Variants in NXPH1 observed in about 807,000 individuals in gnomAD.
The protein encoded by NXPH1 is neurexophilin 1, also known as neurexophilin-1.
A neutral mutation model predicts 23.7 loss-of-function variants in NXPH1; 5 were observed. The observed-to-expected ratio is 0.21, with a 90% CI of 0.11 to 0.44. The LOEUF (loss-of-function observed/expected upper bound fraction) is 0.44. Ranked by LOEUF, NXPH1 falls within the 20% of genes least tolerant of loss-of-function variation. The pLI is 0.99. For missense variants in NXPH1, 324 were observed against 321.6 expected (o/e 1.01, Z -0.06); for synonymous variants, 144 against 122.2 (o/e 1.18, Z -1.18).
chr7:8,728,064 AG>A (rs1780086468), intron 2 of NXPH1, among the ~76,000 whole-genome samples: 1 of 149,802 alleles, frequency 6.7e-6, no homozygotes, highest in Non-Finnish European at 1.5e-5. Flanking sequence ...ATCCCTTGTA[AG>A]TTGGATTCCT....
intron 2 of NXPH1, among the ~76,000 whole-genome samples, chr7:8,590,178 G>A (rs1250727423): frequency 1.3e-5 from 2 of 152,046 alleles, no homozygotes; most frequent in East Asian, 1.9e-4. Flanking sequence ...AACATTTGGG[G>A]GCAAGCATCT....
chr7:8,715,694 C>T (rs906044430), intron 2 of NXPH1, among the ~76,000 whole-genome samples: 4 of 152,056 alleles, frequency 2.6e-5, no homozygotes, highest in Admixed American at 6.6e-5. Flanking sequence ...AGAAAACACA[C>T]GGGTTAGATA....
chr7:8,676,648 C>A (rs946388811), intron 2 of NXPH1, among the ~76,000 whole-genome samples: 5 of 152,116 alleles, frequency 3.3e-5, no homozygotes, highest in African/African-American at 1.2e-4. Flanking sequence ...GCTTATTTAT[C>A]AGTATAGAGC....
At chr7:8,676,291 A>C (rs1820951785) in intron 2 of NXPH1, among the ~76,000 whole-genome samples, 1 of 152,122 alleles carries the variant, frequency 6.6e-6, no homozygotes, top group Non-Finnish European at 1.5e-5. Context: ...ATTTTGTCCA[A>C]ATAGTCTATC....
At chr7:8,690,898 A>G (rs1821211657) in intron 2 of NXPH1, among the ~76,000 whole-genome samples, 1 of 152,054 alleles carries the variant, frequency 6.6e-6, no homozygotes, top group Non-Finnish European at 1.5e-5. Context: ...TGATGTATCC[A>G]TTTGTTCATA....
intron 2 of NXPH1, among the ~76,000 whole-genome samples, chr7:8,727,529 G>A (rs933162198): frequency 1.3e-5 from 2 of 151,528 alleles, no homozygotes; most frequent in Non-Finnish European, 2.9e-5. Flanking sequence ...GTGTAAGGAA[G>A]GGATCCAGTT....
chr7:8,728,516 C>A (rs1424034580), intron 2 of NXPH1, among the ~76,000 whole-genome samples: 1 of 152,080 alleles, frequency 6.6e-6, no homozygotes, highest in African/African-American at 2.4e-5. Flanking sequence ...ATGTCCCATC[C>A]ATACTTAATT....
intron 2 of NXPH1, among the ~76,000 whole-genome samples, chr7:8,471,084 G>T (rs576642354): frequency 6.6e-6 from 1 of 152,212 alleles, no homozygotes; most frequent in Admixed American, 6.5e-5. Context: ...TGGGTTTTCA[G>T]TGAGTTTATA....
intron 2 of NXPH1, among the ~76,000 whole-genome samples, chr7:8,639,932 T>C (rs1314134251): frequency 6.6e-6 from 1 of 152,234 alleles, no homozygotes; most frequent in East Asian, 1.9e-4. Context: ...TTCAGGTATG[T>C]TGTTATTAGC....
intron 2 of NXPH1, among the ~76,000 whole-genome samples, chr7:8,613,634 G>A (rs1819666927): frequency 6.6e-6 from 1 of 151,986 alleles, no homozygotes; most frequent in African/African-American, 2.4e-5. Context: ...TCTATCTATG[G>A]TTCAGAATAC....
intron 2 of NXPH1, among the ~76,000 whole-genome samples, chr7:8,472,250 C>T (rs758788499): frequency 3.7e-4 from 56 of 151,956 alleles, no homozygotes; most frequent in Non-Finnish European, 7.5e-4. Flanking sequence ...TCATTTAAGC[C>T]CTTGGGGATT....
chr7:8,587,584 C>T (rs1819004711), intron 2 of NXPH1, among the ~76,000 whole-genome samples: 1 of 152,190 alleles, frequency 6.6e-6, no homozygotes, highest in South Asian at 2.1e-4. Context: ...TTGTTGCACC[C>T]ATCAATCCGT....
chr7:8,570,389 T>A (rs539203346), intron 2 of NXPH1, among the ~76,000 whole-genome samples: 1 of 151,916 alleles, frequency 6.6e-6, no homozygotes, highest in Non-Finnish European at 1.5e-5. Flanking sequence ...TGTGCGTTAG[T>A]GTCATTGTGA....
intron 2 of NXPH1, among the ~76,000 whole-genome samples, chr7:8,638,214 A>G (rs1373474297): frequency 1.3e-5 from 2 of 152,184 alleles, no homozygotes; most frequent in African/African-American, 4.8e-5. Flanking sequence ...CAACATCTAC[A>G]ATGGACTAAT....
intron 2 of NXPH1, among the ~76,000 whole-genome samples, chr7:8,497,547 C>A (rs62448062): frequency 6.6e-6 from 1 of 151,846 alleles, no homozygotes. Flanking sequence ...TTTTAATGAT[C>A]GCCATTCTAA....
intron 2 of NXPH1, among the ~76,000 whole-genome samples, chr7:8,557,931 A>G (rs1466279641): frequency 1.3e-5 from 2 of 151,662 alleles, no homozygotes; most frequent in African/African-American, 4.8e-5. Context: ...CTCCCAGTTT[A>G]TCCCCAGCTT....
chr7:8,511,930 C>T (rs1379938167), intron 2 of NXPH1, among the ~76,000 whole-genome samples: 1 of 152,122 alleles, frequency 6.6e-6, no homozygotes, highest in Non-Finnish European at 1.5e-5. Flanking sequence ...GAGGTTCTGA[C>T]AACTCAGGAA....
At chr7:8,474,138 T>C (rs1443287561) in intron 2 of NXPH1, among the ~76,000 whole-genome samples, 1 of 152,194 alleles carries the variant, frequency 6.6e-6, no homozygotes, top group Non-Finnish European at 1.5e-5. Context: ...TCTGAGTTTG[T>C]TCTCTTCATG....
At chr7:8,726,033 A>G (rs1583247857) in intron 2 of NXPH1, among the ~76,000 whole-genome samples, 3 of 152,342 alleles carry the variant, frequency 2.0e-5, no homozygotes, top group South Asian at 4.1e-4. Flanking sequence ...CTGGATAATC[A>G]GAGTGTGTTA....
Sources: gnomAD v4.1 joint callset for allele counts (sites outside exome capture counted in the v4.1 genomes callset) on GRCh38, gnomAD v4.1.1 for gene constraint, MANE v1.5 for transcripts, NCBI Gene and HGNC (gene_info 2026-07-23, HGNC 2026-07-21) for gene names.